USP19: variants seen among roughly 807,000 people sequenced by gnomAD.
The protein encoded by USP19 is ubiquitin specific peptidase 19.
USP19 carries 40 observed loss-of-function variants against 144.8 expected under a neutral mutation model. The ratio of observed to expected loss-of-function variants is 0.28; its 90% CI spans 0.21 to 0.36. The LOEUF is 0.36. Among genes scored for constraint, USP19 ranks in the 10% least tolerant of loss-of-function variants. The probability of loss-of-function intolerance (pLI) is 1.00; values close to 1 mark genes in which losing one functional copy is unlikely to be tolerated. For missense variants in USP19, 1,518 were observed against 1,822.5 expected (o/e 0.83, Z 3.04); for synonymous variants, 701 against 709.3 (o/e 0.99, Z 0.19).
Position 49,115,467 on chromosome 3 carries a change from C to T in USP19, c.1865G>A (p.Arg622Gln). 6.2e-7 allele frequency: 1 copy of T among 1,614,088 alleles called. No homozygotes were observed. The highest frequency in any genetic ancestry group is 8.5e-7 in the Non-Finnish European group (1 of 1,179,954). The change falls in exon 12 of 27, where the codon CGG (arginine) becomes CAG (glutamine). Residue 622 changes from arginine to glutamine, a missense_variant. Arg to Gln is a conservative substitution (Grantham distance 43, BLOSUM62 1). Transcript: ENST00000417901. This position sits in a 1 kb window ranked among gnomAD's most constrained non-coding sequence, Gnocchi z 6.6. ...NSVIQSLSNT[R>Q]ELRDFFHDRS... The stretch of plus-strand genomic sequence containing the variant: ...ACCATGGAAGAAGTCCCGGAGTTCC[C>T]GAGTGTTGGACAGAGACTGAATGAC...
At chr3:49,109,501 A>G (rs1230603283) in intron 26 of USP19, among the ~76,000 whole-genome samples, 1 of 152,180 alleles carries the variant, frequency 6.6e-6, no homozygotes, top group Non-Finnish European at 1.5e-5. Flanking sequence ...CGATTCATAG[A>G]GAACAGGACT....
Position 49,111,146 on chromosome 3 carries a change from C to A in USP19, c.3349G>T (p.Gly1117Cys). 1.9e-6 allele frequency: 3 copies of A among 1,613,848 alleles called. No individual in the cohort carries two copies. The highest frequency in any genetic ancestry group is 2.5e-6 in the Non-Finnish European group (3 of 1,180,028). ...EDKGDTPLEL[G>C]DDCSLALVWR... The stretch of plus-strand genomic sequence containing the variant: ...ACGAGAGCCAGGCTACAGTCGTCAC[C>A]CAGCTCCAGTGGGGTGTCTCCTGGA... The change falls in exon 23 of 27, where the codon GGT becomes TGT. Residue 1117 changes from glycine (G) to cysteine (C), a missense_variant. This residue lies in a region of USP19 where 413 missense variants were observed against 515.8 expected (regional missense o/e 0.80). Transcript: ENST00000417901. This position sits in a 1 kb window ranked among gnomAD's most constrained non-coding sequence, Gnocchi z 5.9.
Position 49,117,022 on chromosome 3 carries a change from C to T in USP19, c.909+37G>A. 1.3e-6 allele frequency: 2 copies of T among 1,534,624 alleles called. No homozygotes were observed. Among genetic ancestry groups the T allele is most frequent in the Non-Finnish European group, 1.8e-6 (2 of 1,137,318 alleles). ...CCACTCCAGTGCACACCCTTTCCCCCCATCTCCTAACACCCAAACAGGTGC... is the reference window on the plus strand; with the variant it reads ...CCACTCCAGTGCACACCCTTTCCCCTCATCTCCTAACACCCAAACAGGTGC... On this transcript the variant is annotated intron_variant, in intron 6 of 26. Coordinates refer to ENST00000417901, the MANE Select transcript of USP19 (RefSeq NM_001199161.2). This position sits in a 1 kb window ranked among gnomAD's most constrained non-coding sequence, Gnocchi z 4.4.
At position 49,108,849 on chromosome 3, in the gene USP19, C is replaced by T. The variant is rs1031519164; in HGVS notation, c.4039-321G>A. On this transcript the variant is annotated intron_variant, in intron 26 of 26. Transcript: ENST00000417901. The surrounding 1 kb of genome is among the most constrained non-coding windows in gnomAD (Gnocchi z 4.8). The stretch of plus-strand genomic sequence containing the variant: ...CCACAACCTCCCCACCCTCTCCCAC[C>T]AGATGCATAAGCTGAGGCCCAAAGC... 2 of 1,461,330 alleles carry T rather than the reference C, an allele frequency of 1.4e-6. No individual in the cohort carries two copies. Among genetic ancestry groups the T allele is most frequent in the African/African-American group, 2.8e-5 (2 of 70,204 alleles). 90.5% of individuals were successfully genotyped at this position (1,461,330 alleles called of 1,614,324 possible).
In USP19 at chr3:49,112,534, G is replaced by A. The variant is rs760547670; in HGVS notation, c.2601C>T (p.Ser867=). The A allele has an allele frequency of 1.9e-6, 3 of 1,614,134 alleles. No individual in the cohort carries two copies. Among genetic ancestry groups the A allele is most frequent in the Non-Finnish European group, 2.5e-6 (3 of 1,179,986 alleles). ...CTACCCGCTCCTTAGCCAACTCTGA[G>A]GATAGCAGCTCAAAGCAGAGGAGCG... The part of the protein sequence containing the change: ...SDTLLCFELL[S]SELAKERVVV... Residue 867 remains serine (S), a synonymous_variant, in exon 18 of 27, where the codon TCC becomes TCT. Transcript: ENST00000417901. This position sits in a 1 kb window ranked among gnomAD's most constrained non-coding sequence, Gnocchi z 4.9.
chr3:49,110,226 G>A lies in USP19; in HGVS notation c.3996C>T (p.His1332=). ...CAGCTGCAGGGCCTAGGTCTGGGTG[G>A]TGCTCAGAGTGACCTGCCCTGGGGG... The part of the protein sequence containing the change: ...ERPPRAGHSE[H]HPDLGPAAEA... The change falls in exon 26 of 27, where the codon CAC becomes CAT. Residue 1332 remains histidine, a synonymous_variant. Coordinates refer to ENST00000417901, the MANE Select transcript of USP19 (RefSeq NM_001199161.2). The surrounding 1 kb of genome is among the most constrained non-coding windows in gnomAD (Gnocchi z 6.1). The A allele has an allele frequency of 6.4e-7, 1 of 1,568,956 alleles. No homozygotes were observed. Among genetic ancestry groups the A allele is most frequent in the South Asian group, 1.2e-5 (1 of 84,254 alleles).
chr3:49,111,010 G>C lies in USP19; in HGVS notation c.3485C>G (p.Thr1162Ser), dbSNP rs2043067570. The C allele has an allele frequency of 1.2e-6, 2 of 1,613,922 alleles. No individual in the cohort carries two copies. Among genetic ancestry groups the C allele is most frequent in the South Asian group, 2.2e-5 (2 of 91,092 alleles). The change falls in exon 23 of 27, where the codon ACC (threonine) becomes AGC (serine). Residue 1162 changes from threonine (T) to serine (S), a missense_variant. Physicochemically the swap from Thr to Ser is moderately conservative, Grantham distance 58. Transcript: ENST00000417901. This position sits in a 1 kb window ranked among gnomAD's most constrained non-coding sequence, Gnocchi z 5.9. ...GAAGAGGTTGAGGCACTGGTCCAGG[G>C]TGAAGTGGCCGGCCCGGGCAGCCTC... is the stretch of plus-strand genomic sequence containing the variant. Reference protein sequence around the residue: ...AGEAARAGHFTLDQCLNLFTR... With the variant: ...AGEAARAGHFSLDQCLNLFTR...
At position 49,115,799 on chromosome 3, in the gene USP19, G is replaced by A. The variant is rs771875957; in HGVS notation, c.1617C>T (p.Asp539=). The A allele has an allele frequency of 6.2e-7, 1 of 1,614,094 alleles. No homozygotes were observed. The highest frequency in any genetic ancestry group is 1.7e-5 in the Admixed American group (1 of 60,018). The change falls in exon 11 of 27, where the codon GAC becomes GAT. Residue 539 remains aspartate, a synonymous_variant. Coordinates refer to ENST00000417901, the MANE Select transcript of USP19 (RefSeq NM_001199161.2). The surrounding 1 kb of genome is among the most constrained non-coding windows in gnomAD (Gnocchi z 6.6). The part of the protein sequence containing the change: ...EKDKSKARSE[D]TGLDSVATRT... ...GGGTTGCCACACTGTCTAGCCCTGT[G>A]TCCTCAGATCGTGCCTTGGATTTAT...
rs979022516 is a variant in USP19, at chr3:49,108,880, G to A, written c.4039-352C>T. The A allele has an allele frequency of 2.0e-6, 3 of 1,514,890 alleles. No individual in the cohort carries two copies. The African/African-American group carries it at 4.2e-5, about 21-fold the overall frequency. The allele number at this position is 1,514,890 out of a possible 1,614,324, so 93.8% of individuals were successfully genotyped here. A position where few individuals can be genotyped will look rare whatever the true frequency, so the allele number is the denominator to read the frequency against. On this transcript the variant is annotated intron_variant, in intron 26 of 26. Coordinates refer to ENST00000417901, the MANE Select transcript of USP19 (RefSeq NM_001199161.2). The surrounding 1 kb of genome is among the most constrained non-coding windows in gnomAD (Gnocchi z 4.8). ...CATAAGCTGAGGCCCAAAGCCCAGA[G>A]GTGTTCCCCACAACAAAGGCAGGCA...
Position 49,117,805 on chromosome 3 carries a change from G to C in USP19, c.324C>G (p.Leu108=). 1 of 1,614,192 alleles carries C rather than the reference G, an allele frequency of 6.2e-7. No individual in the cohort carries two copies. The highest frequency in any genetic ancestry group is 1.1e-5 in the South Asian group (1 of 91,088). The stretch of plus-strand genomic sequence containing the variant: ...ACAACTCTGGAGTGGGAGTAGCCAA[G>C]AGATCATGAGGGTCTTCACAAGCTC... The part of the protein sequence containing the change: ...KEGACEDPHD[L]LATPTPELLL... Residue 108 remains leucine (L), a synonymous_variant, in exon 4 of 27, where the codon CTC becomes CTG. Coordinates refer to ENST00000417901, the MANE Select transcript of USP19 (RefSeq NM_001199161.2). The surrounding 1 kb of genome is among the most constrained non-coding windows in gnomAD (Gnocchi z 4.4).
At chr3:49,119,939 G>A (rs535663164) in intron 1 of USP19, among the ~76,000 whole-genome samples, 101 of 152,284 alleles carry the variant, frequency 6.6e-4, no homozygotes, top group African/African-American at 2.2e-3. Context: ...TAGATGTCAC[G>A]CTACCTCTTC....
At position 49,116,873 on chromosome 3, in the gene USP19, T is replaced by C; in HGVS notation, c.980A>G (p.Asn327Ser). Residue 327 changes from asparagine to serine, a missense_variant, in exon 7 of 27, where the codon AAT becomes AGT. By Grantham distance (46) the Asn-to-Ser change is conservative. Transcript: ENST00000417901. This position sits in a 1 kb window ranked among gnomAD's most constrained non-coding sequence, Gnocchi z 5.0. ...SQTCLLGSEE[N>S]LAPLAGEKAV... ...TTTCTCTCCTGCCAAAGGGGCTAAA[T>C]TCTCCTCTGAGCCCAGGAGGCAGGT... 1 of 1,614,168 alleles carries C rather than the reference T, an allele frequency of 6.2e-7. No individual in the cohort carries two copies. The highest frequency in any genetic ancestry group is 1.3e-5 in the African/African-American group (1 of 75,040).
rs1575462920 is a variant in USP19 at position 49,114,530 on chromosome 3, T to C, written c.2292+233A>G. Among the ~76,000 whole-genome samples, 1 of 152,206 alleles carries C rather than the reference T, an allele frequency of 6.6e-6. No individual in the cohort carries two copies. Among genetic ancestry groups the C allele is most frequent in the Non-Finnish European group, 1.5e-5 (1 of 68,036 alleles). On this transcript the variant is annotated intron_variant, in intron 15 of 26. Coordinates refer to ENST00000417901, the MANE Select transcript of USP19 (RefSeq NM_001199161.2). This position sits in a 1 kb window ranked among gnomAD's most constrained non-coding sequence, Gnocchi z 4.5. ...GAATTGGCCTCACACTTGCACCCCA[T>C]GTGCCCACAACCCTGCTACAACACC...
Position 49,111,713 on chromosome 3 carries a change from C to A in USP19, c.3004G>T (p.Glu1002Ter). The change falls in exon 21 of 27, where the codon GAG becomes TAG. Residue 1002 changes from glutamate (E) to a stop codon, truncating the protein, a stop_gained. Transcript: ENST00000417901. LOFTEE classifies it high-confidence loss of function. The surrounding 1 kb of genome is among the most constrained non-coding windows in gnomAD (Gnocchi z 5.9). Reference sequence around the variant, plus strand: ...GGGTCTCTCTCGCTGTCCCCAGCCTCCAGGGAACCTGTGGAGAGCAGTGTG... The same window carrying A: ...GGGTCTCTCTCGCTGTCCCCAGCCTACAGGGAACCTGTGGAGAGCAGTGTG... ...CTTLLSTGSL[E>*]AGDSERDPIQ... The A allele has an allele frequency of 6.3e-7, 1 of 1,588,968 alleles. No homozygotes were observed.
Position 49,117,850 on chromosome 3 carries a change from A to T in USP19, c.299-20T>A, listed in dbSNP as rs1368377004. 1.2e-6 allele frequency: 2 copies of T among 1,613,910 alleles called. No homozygotes were observed. Among genetic ancestry groups the T allele is most frequent in the Non-Finnish European group, 8.5e-7 (1 of 1,179,912 alleles). The stretch of plus-strand genomic sequence containing the variant: ...AAGCTCCTGATGGTGATAAGCAGGT[A>T]ACAGAGACCCAGCCTAATGAAACTG... On this transcript the variant is annotated intron_variant, in intron 3 of 26. Transcript: ENST00000417901. The surrounding 1 kb of genome is among the most constrained non-coding windows in gnomAD (Gnocchi z 4.4).
chr3:49,108,654 T>C lies in USP19; in HGVS notation c.4039-126A>G. ...AAGGCAGGCGCAGACAGCAGCGGCG[T>C]TGAGACAGAGAGACGAGATTGGGCC... On this transcript the variant is annotated intron_variant, in intron 26 of 26. Coordinates refer to ENST00000417901, the MANE Select transcript of USP19 (RefSeq NM_001199161.2). The surrounding 1 kb of genome is among the most constrained non-coding windows in gnomAD (Gnocchi z 4.8). 7.9e-7 allele frequency: 1 copy of C among 1,269,300 alleles called. No homozygotes were observed. Among genetic ancestry groups the C allele is most frequent in the Non-Finnish European group, 9.9e-7 (1 of 1,005,540 alleles). The allele number at this position is 1,269,300 out of a possible 1,614,324, so 78.6% of individuals were successfully genotyped here. A position where few individuals can be genotyped will look rare whatever the true frequency, so the allele number is the denominator to read the frequency against.
At position 49,110,491 on chromosome 3, in the gene USP19, G is replaced by A. The variant is rs1328028915; in HGVS notation, c.3812C>T (p.Ala1271Val). The A allele has an allele frequency of 1.2e-6, 2 of 1,614,052 alleles. No homozygotes were observed. The highest frequency in any genetic ancestry group is 2.7e-5 in the African/African-American group (2 of 74,910). The change falls in exon 25 of 27, where the codon GCC (alanine) becomes GTC (valine). Residue 1271 changes from alanine to valine, a missense_variant. By Grantham distance (64) the Ala-to-Val change is moderately conservative. This residue lies in a region of USP19 where 122 missense variants were observed against 200.4 expected (regional missense o/e 0.61). Transcript: ENST00000417901. This position sits in a 1 kb window ranked among gnomAD's most constrained non-coding sequence, Gnocchi z 6.1. ...YGGMIGGHYTACARLPNDRSS... is the reference protein window; with the variant it reads ...YGGMIGGHYTVCARLPNDRSS... ...ACGATCATTGGGCAGGCGTGCACAG[G>A]CAGTGTAGTGGCCACCAATCATGCC...
rs764978793 is a variant in USP19 at position 49,114,864 on chromosome 3, C to T, written c.2191G>A (p.Glu731Lys). 4.3e-6 allele frequency: 7 copies of T among 1,614,200 alleles called. No individual in the cohort carries two copies. The highest frequency in any genetic ancestry group is 5.9e-6 in the Non-Finnish European group (7 of 1,180,046). Reference sequence around the variant, plus strand: ...ATCTTGTGCCGCTGCCATGCTTCCTCAGCTACCACCTGAGAGGCAGAGTGG... The same window carrying T: ...ATCTTGTGCCGCTGCCATGCTTCCTTAGCTACCACCTGAGAGGCAGAGTGG... ...SDGRPDEVVA[E>K]EAWQRHKMRN... Residue 731 changes from glutamate to lysine, a missense_variant, in exon 15 of 27, where the codon GAG becomes AAG. Physicochemically the swap from Glu to Lys is moderately conservative, Grantham distance 56. Transcript: ENST00000417901. The surrounding 1 kb of genome is among the most constrained non-coding windows in gnomAD (Gnocchi z 4.5).
Position 49,108,859 on chromosome 3 carries a change from A to C in USP19, c.4039-331T>G, listed in dbSNP as rs1226476040. On this transcript the variant is annotated intron_variant, in intron 26 of 26. Transcript: ENST00000417901. The surrounding 1 kb of genome is among the most constrained non-coding windows in gnomAD (Gnocchi z 4.8). ...CCCACCCTCTCCCACCAGATGCATA[A>C]GCTGAGGCCCAAAGCCCAGAGGTGT... is the stretch of plus-strand genomic sequence containing the variant. 4 of 1,470,772 alleles carry C rather than the reference A, an allele frequency of 2.7e-6. No homozygotes were observed. The African/African-American group carries it at 5.7e-5, about 21-fold the overall frequency. The allele number at this position is 1,470,772 out of a possible 1,614,324, so 91.1% of individuals were successfully genotyped here.
Sources: gnomAD v4.1 joint callset for allele counts (sites outside exome capture counted in the v4.1 genomes callset) on GRCh38, gnomAD v4.1.1 for gene constraint, gnomAD v4.1.1 regional missense constraint, Gnocchi (gnomAD v3.1) non-coding constraint, MANE v1.5 for transcripts, NCBI Gene and HGNC (gene_info 2026-07-23, HGNC 2026-07-21) for gene names.